CCDC32: variants seen among roughly 807,000 people sequenced by gnomAD.
CCDC32 encodes the protein coiled-coil domain containing 32.
Under a neutral mutation model 20.1 loss-of-function variants are expected in CCDC32, and 9 were observed. The ratio of observed to expected loss-of-function variants is 0.45; its 90% CI spans 0.27 to 0.78. The LOEUF is 0.78. Among genes scored for constraint, CCDC32 ranks in the 30% least tolerant of loss-of-function variants. CCDC32 has a pLI of 0.16. For synonymous variants in CCDC32, 63 were observed against 79.0 expected (o/e 0.80, Z 1.07); for missense variants, 204 against 215.5 (o/e 0.95, Z 0.33).
At chr15:40,530,744 G>A (rs1349424032), downstream of CCDC32, among the ~76,000 whole-genome samples, 1 of 147,376 alleles carries the variant, frequency 6.8e-6, no homozygotes, top group Non-Finnish European at 1.5e-5. Context: ...TTTGAGACAG[G>A]ATCTCACTCT....
At chr15:40,558,345 T>TA (rs963083053) in intron 2 of CCDC32, among the ~76,000 whole-genome samples, 3 of 152,040 alleles carry the variant, frequency 2.0e-5, no homozygotes, top group Admixed American at 6.6e-5. Context: ...CTCACCCATG[T>TA]AAAAAAAACC....
downstream of CCDC32, chr15:40,539,170 CCTGA>C: frequency 1.5e-6 from 2 of 1,370,324 alleles, no homozygotes; most frequent in South Asian, 2.5e-5. Context: ...CCCGCTCAAA[CCTGA>C]CACCACAGAA....
intron 3 of CCDC32, among the ~76,000 whole-genome samples, chr15:40,529,875 A>G (rs1302528602): frequency 6.6e-6 from 1 of 150,992 alleles, no homozygotes; most frequent in Non-Finnish European, 1.5e-5. Context: ...GTTAGCCAGG[A>G]TGGTCTCGAT....
chr15:40,545,438 G>A (rs1226620782), intron 3 of CCDC32, among the ~76,000 whole-genome samples: 1 of 146,442 alleles, frequency 6.8e-6, no homozygotes, highest in Non-Finnish European at 1.5e-5. Flanking sequence ...CAAAATGAAG[G>A]GAGGAGAGAG....
chr15:40,543,545 C>T (rs1276800603), intron 3 of CCDC32, among the ~76,000 whole-genome samples: 1 of 152,186 alleles, frequency 6.6e-6, no homozygotes, highest in Non-Finnish European at 1.5e-5. Flanking sequence ...ACCTCTGCCT[C>T]CCAGGTTCAA....
downstream of CCDC32, chr15:40,535,732 A>T (rs1243957596): frequency 2.5e-6 from 2 of 798,272 alleles, no homozygotes; most frequent in Non-Finnish European, 3.0e-6. Context: ...TTATTTAATC[A>T]TTCGTTCATC....
At chr15:40,534,922 T>C (rs1015546511), downstream of CCDC32, 20 of 702,524 alleles carry the variant, frequency 2.8e-5, no homozygotes, top group Non-Finnish European at 5.2e-5. Context: ...TGGAGTCAGA[T>C]GTCAGGGTCT....
chr15:40,562,768 T>A lies in CCDC32; in HGVS notation c.244+4A>T. 1.9e-6 allele frequency: 3 copies of A among 1,610,148 alleles called. No homozygotes were observed. The South Asian group carries it at 3.3e-5, about 18-fold the overall frequency. ...ATATGCTTCCCTAGAGCCGTCAAAC[T>A]TACCTAGAGATGCTAAATACACTTC... is the stretch of plus-strand genomic sequence containing the variant. On this transcript the variant is annotated splice_donor_region_variant and intron_variant, in intron 2 of 3. Transcript: ENST00000416810.
chr15:40,553,175 G>A lies in CCDC32; in HGVS notation c.*796C>T, dbSNP rs969361059. The A allele has an allele frequency of 3.0e-6, 3 of 985,336 alleles. No homozygotes were observed. The highest frequency in any genetic ancestry group is 6.1e-5 in the Admixed American group (1 of 16,262). The allele number at this position is 985,336 out of a possible 1,614,324, so 61.0% of individuals were successfully genotyped here. A position where few individuals can be genotyped will look rare whatever the true frequency, so the allele number is the denominator to read the frequency against. On this transcript the variant is annotated 3_prime_UTR_variant, in exon 4 of 4. Coordinates refer to ENST00000416810, the MANE Select transcript of CCDC32 (RefSeq NM_001080792.4). ...AAACAGGGAGGGAAGCTCGGGCTCA[G>A]CCAGGAAACCTGCCACAAGGAAGAT...
In CCDC32 at chr15:40,562,958, C is replaced by T. The variant is rs1356160181; in HGVS notation, c.58G>A (p.Ala20Thr). The T allele has an allele frequency of 1.2e-6, 2 of 1,614,082 alleles. No individual in the cohort carries two copies. The highest frequency in any genetic ancestry group is 2.7e-5 in the African/African-American group (2 of 74,934). ...TATRSGQDLW[A>T]EICSCLPNPE... Reference sequence around the variant, plus strand: ...TTTGGCAGACAGGAACAAATTTCAGCCCAGAGATCCTGGCCAGATCTTGTG... The same window carrying T: ...TTTGGCAGACAGGAACAAATTTCAGTCCAGAGATCCTGGCCAGATCTTGTG... Residue 20 changes from alanine to threonine, a missense_variant, in exon 2 of 4, where the codon GCT becomes ACT. Coordinates refer to ENST00000416810, the MANE Select transcript of CCDC32 (RefSeq NM_001080792.4).
chr15:40,552,198 G>A (rs1302202081), downstream of CCDC32, among the ~76,000 whole-genome samples: 1 of 151,502 alleles, frequency 6.6e-6, no homozygotes, highest in East Asian at 1.9e-4. Context: ...AAAAAGAGGA[G>A]CGGCCAGGCG....
chr15:40,562,011 A>G (rs1890674853), intron 2 of CCDC32: 1 of 46,940 alleles, frequency 2.1e-5, no homozygotes, highest in Non-Finnish European at 5.6e-5. Flanking sequence ...AAAATGGCTA[A>G]CAAGAGGCAG....
intron 3 of CCDC32, among the ~76,000 whole-genome samples, chr15:40,543,177 G>C (rs1202590747): frequency 6.6e-6 from 1 of 151,354 alleles, no homozygotes; most frequent in African/African-American, 2.4e-5. Flanking sequence ...AGAGAAAAAA[G>C]AAAAGAAAGA....
At chr15:40,544,779 T>G (rs1889545727) in intron 3 of CCDC32, among the ~76,000 whole-genome samples, 1 of 152,228 alleles carries the variant, frequency 6.6e-6, no homozygotes, top group Non-Finnish European at 1.5e-5. Flanking sequence ...GTCTGGCTTC[T>G]TGGCTTCTGT....
chr15:40,563,053 A>G, intron 1 of CCDC32, 26 bp from the exon 2 acceptor site: 1 of 1,606,180 alleles, frequency 6.2e-7, no homozygotes, highest in Non-Finnish European at 8.5e-7. Flanking sequence ...TCAAGTGAGT[A>G]AGAACTGGCT....
At chr15:40,543,629 A>G (rs1889494035) in intron 3 of CCDC32, among the ~76,000 whole-genome samples, 1 of 152,196 alleles carries the variant, frequency 6.6e-6, no homozygotes, top group Middle Eastern at 3.4e-3. Flanking sequence ...TAATTTTTGT[A>G]TTTTTAGTAG....
At chr15:40,544,274 G>T (rs1217440315) in intron 3 of CCDC32, among the ~76,000 whole-genome samples, 1 of 152,158 alleles carries the variant, frequency 6.6e-6, no homozygotes, top group South Asian at 2.1e-4. Context: ...GGTGCGGTAG[G>T]GCAATCATAG....
rs777210033 is a variant in CCDC32, at chr15:40,554,141, G to C, written c.402-14C>G. 1.7e-5 allele frequency: 27 copies of C among 1,605,274 alleles called. No individual in the cohort carries two copies. The Admixed American group carries it at 4.5e-4, about 27-fold the overall frequency. On this transcript the variant is annotated splice_polypyrimidine_tract_variant and intron_variant, in intron 3 of 3. Coordinates refer to ENST00000416810, the MANE Select transcript of CCDC32 (RefSeq NM_001080792.4). ...TGTTCCAAGGTGCTATGAAAGGGCAGAATAAAAGGGTGGCTGTGTCAGACC... is the reference window on the plus strand; with the variant it reads ...TGTTCCAAGGTGCTATGAAAGGGCACAATAAAAGGGTGGCTGTGTCAGACC...
chr15:40,522,125 T>C, the CCDC32 span, among the ~76,000 whole-genome samples: 40,454 of 152,146 alleles, frequency 0.27, 6,646 homozygotes, highest in Middle Eastern at 0.37. Context: ...AAAAGAAATA[T>C]GTGGCATGTA....
Sources: allele counts gnomAD v4.1 joint callset (sites outside exome capture counted in the v4.1 genomes callset), GRCh38; gene constraint gnomAD v4.1.1; transcripts MANE v1.5; gene names NCBI Gene and HGNC (gene_info 2026-07-23, HGNC 2026-07-21).